MYB: variants seen among roughly 807,000 people sequenced by gnomAD.
MYB encodes MYB proto-oncogene, transcription factor.
Under a neutral mutation model 92.9 loss-of-function variants are expected in MYB, and 28 were observed. That is an observed-to-expected ratio of 0.30 (90% CI 0.22 to 0.41). MYB has a LOEUF of 0.41. Ranked by LOEUF, MYB falls within the 10% of genes least tolerant of loss-of-function variation. The pLI, the probability that MYB is intolerant of heterozygous loss-of-function variation, is 1.00. For synonymous variants in MYB, 295 were observed against 329.1 expected, an observed-to-expected ratio of 0.90 and a Z score of 1.12; for missense variants, 679 against 929.3, an observed-to-expected ratio of 0.73 and a Z score of 3.50.
At chr6:135,209,830 A>G (rs1490111896) in intron 15 of MYB, among the ~76,000 whole-genome samples, 1 of 152,228 alleles carries the variant, frequency 6.6e-6, no homozygotes, top group Non-Finnish European at 1.5e-5. Flanking sequence ...TGTGGCTCAG[A>G]ATATATGAGA....
At chr6:135,196,105 A>T in intron 9 of MYB, 103 bp downstream of exon 9, 1 of 1,170,256 alleles carries the variant, frequency 8.5e-7, no homozygotes, top group East Asian at 2.4e-5. Context: ...TTATTAGCAT[A>T]TATTAATGTA....
At chr6:135,183,143 G>A (rs1434512554) in intron 1 of MYB, among the ~76,000 whole-genome samples, 3 of 151,478 alleles carry the variant, frequency 2.0e-5, no homozygotes, top group Non-Finnish European at 2.9e-5. Context: ...GGGCCGCGCA[G>A]GTTCCCTGAG....
chr6:135,194,979 A>G (rs1424134457), intron 8 of MYB: 1 of 1,339,902 alleles, frequency 7.5e-7, no homozygotes, highest in Non-Finnish European at 9.8e-7. Context: ...CCATTACTGA[A>G]TTCTGACATC....
intron 15 of MYB, among the ~76,000 whole-genome samples, chr6:135,215,636 C>T (rs1562402724): frequency 1.3e-5 from 2 of 152,076 alleles, no homozygotes; most frequent in Admixed American, 1.3e-4. Context: ...GTCGTTTAAC[C>T]CTTTCTTTCT....
At chr6:135,214,532 A>G (rs766103411) in intron 15 of MYB, among the ~76,000 whole-genome samples, 15 of 152,262 alleles carry the variant, frequency 9.9e-5, no homozygotes, top group Non-Finnish European at 2.1e-4. Flanking sequence ...ATATTATGAT[A>G]TTAAGATATT....
At chr6:135,186,847 C>T (rs1463092526) in intron 2 of MYB, among the ~76,000 whole-genome samples, 1 of 152,148 alleles carries the variant, frequency 6.6e-6, no homozygotes, top group Non-Finnish European at 1.5e-5. Flanking sequence ...AAAATTTTTG[C>T]AACTAATTTT....
intron 10 of MYB, among the ~76,000 whole-genome samples, chr6:135,198,576 C>T (rs1777645540): frequency 1.3e-5 from 2 of 152,156 alleles, no homozygotes; most frequent in Admixed American, 1.3e-4. Context: ...CTATTATTTT[C>T]CCCAAAATCA....
chr6:135,183,416 G>GT (rs1775444405), intron 1 of MYB, among the ~76,000 whole-genome samples: 1 of 152,124 alleles, frequency 6.6e-6, no homozygotes, highest in Non-Finnish European at 1.5e-5. Flanking sequence ...TGCACGGTTT[G>GT]TTTCCTTGAC....
chr6:135,187,873 G>A lies in MYB; in HGVS notation c.181G>A (p.Asp61Asn), dbSNP rs1460905406. 2 of 1,610,408 alleles carry A rather than the reference G, an allele frequency of 1.2e-6. No individual in the cohort carries two copies. The highest frequency in any genetic ancestry group is 2.2e-5 in the East Asian group (1 of 44,674). ...GAAGCTGGTGGAACAGAATGGAACAGATGACTGGAAAGTTATTGCCAATTA... is the reference window on the plus strand; with the variant it reads ...GAAGCTGGTGGAACAGAATGGAACAAATGACTGGAAAGTTATTGCCAATTA... The part of the protein sequence containing the change: ...LKKLVEQNGT[D>N]DWKVIANYLP... The change falls in exon 3 of 16, where the codon GAT becomes AAT. Residue 61 changes from aspartate (D) to asparagine (N), a missense_variant. Transcript: ENST00000341911.
rs72121362 is a variant in MYB, at chr6:135,206,835, G to GTA, written c.2169+3513_2169+3514dup. Reference sequence around the variant, plus strand: ...TAAATGAATGAATGTTATACACCAAGTATCTCCTTCATTTTATGTCATGGA... The same window carrying GTA: ...TAAATGAATGAATGTTATACACCAAGTATATCTCCTTCATTTTATGTCATGGA... On this transcript the variant is annotated intron_variant, in intron 15 of 15. Transcript: ENST00000341911. 8.5e-3 allele frequency among the ~76,000 whole-genome samples: 1,287 copies of GTA among 152,286 alleles called. 18 individuals are homozygous for GTA. Among genetic ancestry groups the GTA allele is most frequent in the African/African-American group, 0.029 (1,197 of 41,548 alleles).
At chr6:135,203,812 G>GTCGACTGTCAGAATAAGAAAT (rs1778479232) in intron 15 of MYB, 7 of 1,282,622 alleles carry the variant, frequency 5.5e-6, no homozygotes, top group Middle Eastern at 2.2e-4. Context: ...GAATAAGAAA[G>GTCGACTGTCAGAATAAGAAAT]TCAACTGTCA....
intron 5 of MYB, among the ~76,000 whole-genome samples, chr6:135,191,608 T>C (rs1776634927): frequency 6.6e-6 from 1 of 152,178 alleles, no homozygotes; most frequent in African/African-American, 2.4e-5. Flanking sequence ...TTAGCATACA[T>C]TCCCCCACCC....
intron 1 of MYB, among the ~76,000 whole-genome samples, chr6:135,183,527 A>T (rs913603029): frequency 3.3e-5 from 5 of 152,156 alleles, no homozygotes; most frequent in Non-Finnish European, 7.3e-5. Context: ...AAATCCTCTG[A>T]CTGTTGGGTC....
intron 15 of MYB, among the ~76,000 whole-genome samples, chr6:135,210,229 C>T (rs1779524206): frequency 6.6e-6 from 1 of 152,228 alleles, no homozygotes; most frequent in African/African-American, 2.4e-5. Flanking sequence ...GTATTTTTCT[C>T]TTAAATTATA....
rs763714440 is a variant in MYB, at chr6:135,200,586, C to G, written c.1950+171C>G. 7.4e-6 allele frequency: 7 copies of G among 944,168 alleles called. No individual in the cohort carries two copies. The South Asian group carries it at 8.2e-5, about 11-fold the overall frequency. The allele number at this position is 944,168 out of a possible 1,614,324, so 58.5% of individuals were successfully genotyped here. On this transcript the variant is annotated intron_variant, in intron 13 of 15. Coordinates refer to ENST00000341911, the MANE Select transcript of MYB (RefSeq NM_001130173.2). ...CTGCCAGACTGTAGGCATCATCAACCTTTCCTTTGGGAAGCCAAGCCATCT... is the reference window on the plus strand; with the variant it reads ...CTGCCAGACTGTAGGCATCATCAACGTTTCCTTTGGGAAGCCAAGCCATCT...
intron 9 of MYB, 70 bp downstream of exon 9, chr6:135,196,072 T>C: frequency 6.7e-7 from 1 of 1,495,942 alleles, no homozygotes; most frequent in South Asian, 1.2e-5. Context: ...CTTAAATCAT[T>C]GCCATTTTCT....
In MYB at chr6:135,204,724, T is replaced by C. The variant is rs2128308657; in HGVS notation, c.2169+1400T>C. On this transcript the variant is annotated intron_variant, in intron 15 of 15. Transcript: ENST00000341911. ...TTGGTAAAATGGCTGTGGACTGGAA[T>C]GTGAGACAGGGAGTCAGTATTTATG... is the stretch of plus-strand genomic sequence containing the variant. 1.3e-5 allele frequency among the ~76,000 whole-genome samples: 2 copies of C among 152,360 alleles called. 1 individual carries two copies. Among genetic ancestry groups the C allele is most frequent in the South Asian group, 4.1e-4 (2 of 4,830 alleles).
At chr6:135,210,615 AAAC>A (rs1779578470) in intron 15 of MYB, among the ~76,000 whole-genome samples, 1 of 152,254 alleles carries the variant, frequency 6.6e-6, no homozygotes, top group Non-Finnish European at 1.5e-5. Flanking sequence ...GCAGTATAAT[AAAC>A]AAGCATGGGG....
At chr6:135,211,061 C>T (rs1049858537) in intron 15 of MYB, among the ~76,000 whole-genome samples, 3 of 151,772 alleles carry the variant, frequency 2.0e-5, no homozygotes, top group Non-Finnish European at 2.9e-5. Flanking sequence ...AGTCAGACCT[C>T]GCGGTATGAT....
Sources: allele counts gnomAD v4.1 joint callset (sites outside exome capture counted in the v4.1 genomes callset), GRCh38; gene constraint gnomAD v4.1.1; transcripts MANE v1.5; gene names NCBI Gene and HGNC (gene_info 2026-07-23, HGNC 2026-07-21).